Variants in MED27 observed in about 807,000 individuals in gnomAD.
The protein encoded by MED27 is mediator of RNA polymerase II transcription subunit 27.
In MED27, 30 loss-of-function variants were observed where a neutral mutation model predicts 38.2. That is an observed-to-expected ratio of 0.79 (90% CI 0.59 to 1.07). MED27 has a LOEUF of 1.07. Ranked by LOEUF, MED27 falls within the 50% of genes least tolerant of loss-of-function variation. MED27 has a pLI of 0.00. For missense variants in MED27, 289 were observed against 397.5 expected (o/e 0.73, Z 2.32); for synonymous variants, 122 against 153.5 (o/e 0.79, Z 1.52).
intron 3 of MED27, among the ~76,000 whole-genome samples, chr9:131,959,879 G>C (rs1831178935): frequency 6.6e-6 from 1 of 152,022 alleles, no homozygotes; most frequent in Non-Finnish European, 1.5e-5. Flanking sequence ...TATCTAGGGG[G>C]GCCCATTACT....
At chr9:131,875,906 G>A (rs1428891614) in intron 6 of MED27, among the ~76,000 whole-genome samples, 3 of 152,236 alleles carry the variant, frequency 2.0e-5, no homozygotes, top group Admixed American at 2.0e-4. Context: ...CACGCGCCCG[G>A]CTGCGTCTCT....
chr9:131,905,544 C>T (rs1830038206), intron 4 of MED27, among the ~76,000 whole-genome samples: 1 of 151,978 alleles, frequency 6.6e-6, no homozygotes, highest in Admixed American at 6.5e-5. Flanking sequence ...AAACTGCGTC[C>T]TTCCAGGACC....
At chr9:131,968,212 C>G (rs1346793460) in intron 3 of MED27, among the ~76,000 whole-genome samples, 1 of 152,082 alleles carries the variant, frequency 6.6e-6, no homozygotes, top group Non-Finnish European at 1.5e-5. Context: ...GTGGCGCATG[C>G]CTGTAATCCC....
Position 131,966,038 on chromosome 9 carries a change from C to T in MED27, c.480-26564G>A, listed in dbSNP as rs984831097. 4.0e-5 allele frequency among the ~76,000 whole-genome samples: 6 copies of T among 149,770 alleles called. No homozygotes were observed. The East Asian group carries it at 9.8e-4, about 24-fold the overall frequency. On this transcript the variant is annotated intron_variant, in intron 3 of 7. Transcript: ENST00000292035. ...ATGCGCATCCCAGAGAGGACTTCCA[C>T]CTTGCAGTATGGTCTGACGCCTAAG...
intron 3 of MED27, among the ~76,000 whole-genome samples, chr9:131,988,020 C>A (rs991730245): frequency 2.0e-5 from 3 of 152,148 alleles, no homozygotes; most frequent in African/African-American, 7.2e-5. Flanking sequence ...CTGGTTTAGG[C>A]GATTTTTAGG....
Position 132,012,619 on chromosome 9 carries a change from G to A in MED27, c.479+1718C>T, listed in dbSNP as rs1197678382. Among the ~76,000 whole-genome samples the A allele has an allele frequency of 2.6e-5, 4 of 152,122 alleles. 1 individual carries two copies. Among genetic ancestry groups the A allele is most frequent in the Non-Finnish European group, 4.4e-5 (3 of 68,026 alleles). ...TCACTGGTCTTTCTCCTCCTCATTC[G>A]TCAAGTCTCTGCCTCATATTGGCTC... On this transcript the variant is annotated intron_variant, in intron 3 of 7. Coordinates refer to ENST00000292035, the MANE Select transcript of MED27 (RefSeq NM_004269.4).
At chr9:131,942,859 T>C (rs1830812644) in intron 3 of MED27, among the ~76,000 whole-genome samples, 1 of 152,176 alleles carries the variant, frequency 6.6e-6, no homozygotes, top group African/African-American at 2.4e-5. Context: ...GAGTTCTAAA[T>C]GGGCAAACAA....
At chr9:131,878,696 AGTTTTGAAAT>A (rs1256330467) in intron 6 of MED27, among the ~76,000 whole-genome samples, 1 of 152,204 alleles carries the variant, frequency 6.6e-6, no homozygotes, top group African/African-American at 2.4e-5. Flanking sequence ...AAATGCACAG[AGTTTTGAAAT>A]GAGGGGGTTA....
intron 4 of MED27, among the ~76,000 whole-genome samples, chr9:131,907,747 G>A (rs1406424548): frequency 2.2e-5 from 3 of 133,868 alleles, no homozygotes; most frequent in Admixed American, 7.6e-5. Context: ...GTCTCTGCCC[G>A]GCCGCCATCC....
intron 2 of MED27, among the ~76,000 whole-genome samples, chr9:132,030,146 G>A (rs879832513): frequency 4.6e-5 from 7 of 152,240 alleles, no homozygotes; most frequent in Non-Finnish European, 1.0e-4. Flanking sequence ...AGTGTTAGGG[G>A]ATTCGGGCCT....
intron 3 of MED27, among the ~76,000 whole-genome samples, chr9:131,988,492 T>A (rs1831903093): frequency 6.6e-6 from 1 of 152,262 alleles, no homozygotes; most frequent in Non-Finnish European, 1.5e-5. Context: ...TTTATGAGGA[T>A]CCATTTCCAC....
At chr9:131,866,578 G>A (rs962005245) in intron 6 of MED27, among the ~76,000 whole-genome samples, 2 of 152,274 alleles carry the variant, frequency 1.3e-5, no homozygotes, top group African/African-American at 4.8e-5. Context: ...GCAGCAAAGA[G>A]GGAAAGAGCG....
chr9:131,936,062 G>A (rs565747172), intron 4 of MED27, among the ~76,000 whole-genome samples: 72 of 151,514 alleles, frequency 4.8e-4, no homozygotes, highest in African/African-American at 1.7e-3. Context: ...GAGCCCAGGC[G>A]GCTGAGGCTG....
intron 6 of MED27, among the ~76,000 whole-genome samples, chr9:131,880,320 G>C (rs1839014501): frequency 1.3e-5 from 2 of 152,072 alleles, no homozygotes; most frequent in Non-Finnish European, 2.9e-5. Context: ...TCATTTGACA[G>C]CAAATGGAAG....
At chr9:132,076,133 G>A (rs1834042121) in intron 2 of MED27, among the ~76,000 whole-genome samples, 1 of 152,290 alleles carries the variant, frequency 6.6e-6, no homozygotes, top group East Asian at 1.9e-4. Flanking sequence ...GACAACAAAG[G>A]AAAGCAGTCC....
At chr9:132,047,441 GACACACACACAC>G (rs56144736) in intron 2 of MED27, among the ~76,000 whole-genome samples, 3 of 145,154 alleles carry the variant, frequency 2.1e-5, no homozygotes, top group Non-Finnish European at 3.0e-5. Context: ...TAATGTTTTA[GACACACACACAC>G]ACACACACAC....
chr9:131,910,867 G>C (rs1332640052), intron 4 of MED27, among the ~76,000 whole-genome samples: 1 of 152,012 alleles, frequency 6.6e-6, no homozygotes. Flanking sequence ...ATTTTCCTTC[G>C]TTCGAAAATA....
intron 4 of MED27, among the ~76,000 whole-genome samples, chr9:131,911,591 T>C (rs529588586): frequency 2.5e-4 from 38 of 152,352 alleles, no homozygotes; most frequent in African/African-American, 7.5e-4. Flanking sequence ...AGAACATCTG[T>C]TATTTGCAGG....
intron 3 of MED27, among the ~76,000 whole-genome samples, chr9:132,001,483 T>C (rs1043331523): frequency 3.3e-5 from 5 of 152,190 alleles, no homozygotes; most frequent in Admixed American, 6.5e-5. Flanking sequence ...TGCTTAGTCA[T>C]AGATACCAAT....
Sources: allele counts gnomAD v4.1 joint callset (sites outside exome capture counted in the v4.1 genomes callset), GRCh38; gene constraint gnomAD v4.1.1; transcripts MANE v1.5; gene names NCBI Gene and HGNC (gene_info 2026-07-23, HGNC 2026-07-21).